The following AGBL1 variants were observed in gnomAD, a reference collection of about 807,000 sequenced individuals.
AGBL1 encodes cytosolic carboxypeptidase 4.
AGBL1 carries 130 observed loss-of-function variants against 118.9 expected under a neutral mutation model. The ratio of observed to expected loss-of-function variants is 1.09; its 90% CI spans 0.95 to 1.26. AGBL1 has a LOEUF of 1.26. Ranked by LOEUF, AGBL1 falls within the 50% of genes most tolerant of loss-of-function variation. The probability of loss-of-function intolerance (pLI) is 0.00; values close to 1 mark genes in which losing one functional copy is unlikely to be tolerated. For missense variants in AGBL1, 1,584 were observed against 1,298.1 expected (o/e 1.22, Z -3.38); for synonymous variants, 555 against 478.9 (o/e 1.16, Z -2.08).
chr15:86,459,816 G>T (rs1348358619), intron 18 of AGBL1, among the ~76,000 whole-genome samples: 1 of 152,078 alleles, frequency 6.6e-6, no homozygotes, highest in African/African-American at 2.4e-5. Context: ...ATGCAGGCAG[G>T]CACAGTTGCC....
At chr15:86,503,168 A>G (rs529790323) in intron 18 of AGBL1, among the ~76,000 whole-genome samples, 1 of 151,426 alleles carries the variant, frequency 6.6e-6, no homozygotes, top group Admixed American at 6.6e-5. Flanking sequence ...TTCTTCAGTC[A>G]GGTATGGTAA....
chr15:86,577,129 C>A (rs1483221391), intron 21 of AGBL1, among the ~76,000 whole-genome samples: 1 of 152,176 alleles, frequency 6.6e-6, no homozygotes, highest in Non-Finnish European at 1.5e-5. Context: ...ATGGAACTTC[C>A]TATGGACTTG....
intron 23 of AGBL1, among the ~76,000 whole-genome samples, chr15:86,930,889 A>G (rs944381894): frequency 2.6e-5 from 4 of 152,220 alleles, no homozygotes; most frequent in Middle Eastern, 3.2e-3. Flanking sequence ...CAAGGAAGTT[A>G]GAGTTGCGAG....
At chr15:86,569,437 G>A (rs1435988906) in intron 21 of AGBL1, among the ~76,000 whole-genome samples, 5 of 150,938 alleles carry the variant, frequency 3.3e-5, no homozygotes, top group Non-Finnish European at 5.9e-5. Context: ...AGAGAAATCC[G>A]GATGCTAATC....
At chr15:86,979,462 A>G (rs906110709) in intron 23 of AGBL1, among the ~76,000 whole-genome samples, 2 of 152,002 alleles carry the variant, frequency 1.3e-5, no homozygotes, top group Admixed American at 6.6e-5. Context: ...ATTAAAAGCA[A>G]TGTAGAGGCA....
chr15:86,869,268 G>A (rs766476611), intron 22 of AGBL1, among the ~76,000 whole-genome samples: 13 of 152,036 alleles, frequency 8.6e-5, no homozygotes, highest in Non-Finnish European at 7.4e-5. Context: ...ACCCCCCACC[G>A]TGTCTTCCCA....
chr15:86,351,276 C>A (rs1472224085), intron 17 of AGBL1, among the ~76,000 whole-genome samples: 2 of 152,122 alleles, frequency 1.3e-5, no homozygotes, highest in African/African-American at 4.8e-5. Flanking sequence ...TTATAACAAA[C>A]CCACTCCTAT....
At chr15:86,731,518 C>G (rs938647942) in intron 22 of AGBL1, among the ~76,000 whole-genome samples, 20 of 152,142 alleles carry the variant, frequency 1.3e-4, no homozygotes, top group African/African-American at 4.8e-4. Flanking sequence ...ATTTGCCAAG[C>G]AGCAAAGTCT....
chr15:86,873,550 C>A (rs1402241729), intron 22 of AGBL1, among the ~76,000 whole-genome samples: 1 of 152,084 alleles, frequency 6.6e-6, no homozygotes, highest in East Asian at 1.9e-4. Flanking sequence ...GAGGTAGAAC[C>A]TTTGGGGAGT....
chr15:86,101,474 T>G (rs564743187), intron 1 of AGBL1, among the ~76,000 whole-genome samples: 61 of 152,212 alleles, frequency 4.0e-4, no homozygotes, highest in African/African-American at 1.3e-3. Flanking sequence ...GGTGCTGAAG[T>G]CCCCAACTAT....
intron 1 of AGBL1, among the ~76,000 whole-genome samples, chr15:86,120,636 C>G (rs1294654329): frequency 6.6e-6 from 1 of 152,174 alleles, no homozygotes; most frequent in African/African-American, 2.4e-5. Flanking sequence ...GCCACTGGCA[C>G]AAATTGTTTC....
intron 18 of AGBL1, among the ~76,000 whole-genome samples, chr15:86,477,433 A>G (rs2082577070): frequency 6.6e-6 from 1 of 152,250 alleles, no homozygotes. Flanking sequence ...ACAAACTACC[A>G]TCAGAGAATA....
intron 21 of AGBL1, among the ~76,000 whole-genome samples, chr15:86,609,802 A>T (rs2084632695): frequency 6.6e-6 from 1 of 152,240 alleles, no homozygotes; most frequent in Admixed American, 6.5e-5. Context: ...AAAGCAAAGC[A>T]AAACAACCCA....
At chr15:86,349,061 C>G (rs1390672618) in intron 17 of AGBL1, among the ~76,000 whole-genome samples, 1 of 152,118 alleles carries the variant, frequency 6.6e-6, no homozygotes, top group Non-Finnish European at 1.5e-5. Context: ...AAGACAGATA[C>G]AGAGATTGGG....
intron 1 of AGBL1, among the ~76,000 whole-genome samples, chr15:86,095,725 T>C (rs1279865842): frequency 6.9e-6 from 1 of 144,242 alleles, no homozygotes; most frequent in Non-Finnish European, 1.5e-5. Flanking sequence ...TGGTCACTAA[T>C]ACTCTCTGTG....
intron 7 of AGBL1, among the ~76,000 whole-genome samples, chr15:86,252,294 C>T (rs1056064630): frequency 5.9e-5 from 9 of 152,284 alleles, no homozygotes; most frequent in African/African-American, 2.2e-4. Context: ...ATGACCTCAG[C>T]CTTGTGGACC....
At chr15:86,978,834 T>C (rs1271149214) in intron 23 of AGBL1, among the ~76,000 whole-genome samples, 2 of 152,136 alleles carry the variant, frequency 1.3e-5, no homozygotes, top group African/African-American at 4.8e-5. Flanking sequence ...GCCTATTTTC[T>C]CCTTGGAAAT....
At chr15:86,460,027 C>G (rs1017317917) in intron 18 of AGBL1, among the ~76,000 whole-genome samples, 2 of 151,980 alleles carry the variant, frequency 1.3e-5, no homozygotes, top group Non-Finnish European at 2.9e-5. Context: ...GAGAGAATAG[C>G]TTGTAAATTG....
intron 22 of AGBL1, among the ~76,000 whole-genome samples, chr15:86,783,967 A>G (rs1436132739): frequency 6.6e-6 from 1 of 152,194 alleles, no homozygotes; most frequent in Non-Finnish European, 1.5e-5. Flanking sequence ...CTGCTGGTTT[A>G]GAGGAGGAAT....
Sources: allele counts gnomAD v4.1 joint callset (sites outside exome capture counted in the v4.1 genomes callset), GRCh38; gene constraint gnomAD v4.1.1; transcripts MANE v1.5; gene names NCBI Gene and HGNC (gene_info 2026-07-23, HGNC 2026-07-21).